Variants in ZNF76 observed in about 807,000 individuals in gnomAD.
ZNF76 encodes zinc finger protein 76.
ZNF76 carries 66 observed loss-of-function variants against 66.9 expected under a neutral mutation model. The observed-to-expected ratio is 0.99, with a 90% CI of 0.81 to 1.21. The LOEUF (loss-of-function observed/expected upper bound fraction) is 1.21. Ranked by LOEUF, ZNF76 falls within the 50% of genes most tolerant of loss-of-function variation. The pLI is 0.00. For missense variants in ZNF76, 729 were observed against 760.3 expected, an observed-to-expected ratio of 0.96 and a Z score of 0.48; for synonymous variants, 275 against 296.1, an observed-to-expected ratio of 0.93 and a Z score of 0.73.
chr6:35,277,124 C>T (rs187597883), intron 1 of ZNF76, among the ~76,000 whole-genome samples: 1 of 152,180 alleles, frequency 6.6e-6, no homozygotes, highest in African/African-American at 2.4e-5. Flanking sequence ...CCTGGTTTCT[C>T]TTATGTGTCT....
chr6:35,286,458 T>C, intron 4 of ZNF76, 59 bp downstream of exon 4: 1 of 1,517,760 alleles, frequency 6.6e-7, no homozygotes, highest in South Asian at 1.1e-5. Context: ...GAGGATGGGG[T>C]GGCAGGACTG....
rs560665926 is a variant in ZNF76, at chr6:35,295,270, C to T, written c.*22C>T. 85 of 1,570,540 alleles carry T rather than the reference C, an allele frequency of 5.4e-5. No individual in the cohort carries two copies. Among genetic ancestry groups the T allele is most frequent in the Non-Finnish European group, 6.9e-5 (80 of 1,155,930 alleles). On this transcript the variant is annotated 3_prime_UTR_variant, in exon 14 of 14. Coordinates refer to ENST00000373953, the MANE Select transcript of ZNF76 (RefSeq NM_003427.5). The stretch of plus-strand genomic sequence containing the variant: ...CTGAGTCCAAGAGGGCTGGGTCCCA[C>T]ACCATGCTGGAGGAAGTGCCATCTG...
chr6:35,277,041 C>T (rs568244090), intron 1 of ZNF76, among the ~76,000 whole-genome samples: 4 of 151,800 alleles, frequency 2.6e-5, no homozygotes, highest in East Asian at 3.9e-4. Context: ...TCAAGTGATC[C>T]GCCCACTTCG....
chr6:35,286,232 G>T, intron 3 of ZNF76, 24 bp downstream of exon 3: 1 of 1,613,820 alleles, frequency 6.2e-7, no homozygotes, highest in South Asian at 1.1e-5. Context: ...AACACACCAT[G>T]CCTTGTCGAG....
chr6:35,291,621 G>A lies in ZNF76; in HGVS notation c.815G>A (p.Arg272His), dbSNP rs765964326. The A allele has an allele frequency of 1.5e-5, 25 of 1,613,876 alleles. No individual in the cohort carries two copies. In the East Asian group the frequency reaches 1.8e-4, roughly 12 times the overall value. ...CGCTCCTTCACCACATCTAACATCC[G>A]CAAGGTACATGTGCGCACCCACACA... is the stretch of plus-strand genomic sequence containing the variant. The part of the protein sequence containing the change: ...CGRSFTTSNI[R>H]KVHVRTHTGE... Residue 272 changes from arginine (R) to histidine (H), a missense_variant, in exon 9 of 14, where the codon CGC becomes CAC. Transcript: ENST00000373953.
In ZNF76 at chr6:35,293,008, C is replaced by T. The variant is rs774273899; in HGVS notation, c.1293C>T (p.Pro431=). The part of the protein sequence containing the change: ...VAMVTEEDGA[P]QVALITQDGA... ...TGGTGACTGAAGAAGATGGGGCCCC[C>T]CAGGTGGCTCTGATCACTCAGGATG... Residue 431 remains proline, a synonymous_variant, in exon 11 of 14, where the codon CCC becomes CCT. Coordinates refer to ENST00000373953, the MANE Select transcript of ZNF76 (RefSeq NM_003427.5). 1 of 1,614,088 alleles carries T rather than the reference C, an allele frequency of 6.2e-7. No homozygotes were observed. The highest frequency in any genetic ancestry group is 8.5e-7 in the Non-Finnish European group (1 of 1,180,018).
intron 1 of ZNF76, chr6:35,279,841 T>G (rs1386659758): frequency 6.6e-6 from 1 of 152,164 alleles, no homozygotes; most frequent in African/African-American, 2.4e-5. Context: ...ATTTATCTTA[T>G]TATTATTTTT....
intron 1 of ZNF76, among the ~76,000 whole-genome samples, chr6:35,269,435 G>A (rs1582046905): frequency 1.3e-5 from 2 of 152,176 alleles, no homozygotes; most frequent in East Asian, 3.9e-4. Flanking sequence ...CTTTTCTAGT[G>A]CCTCTATTTG....
rs1447730864 is a variant in ZNF76 at position 35,274,676 on chromosome 6, A to G, written c.-96-6380A>G. On this transcript the variant is annotated intron_variant, in intron 1 of 13. Coordinates refer to ENST00000373953, the MANE Select transcript of ZNF76 (RefSeq NM_003427.5). ...GGAGGTTGAGTTTACAGGAGCTATG[A>G]TCACTGCATGCCAACCTGGGCAACA... Among the ~76,000 whole-genome samples, 8 of 152,184 alleles carry G rather than the reference A, an allele frequency of 5.3e-5. No homozygotes were observed. In the South Asian group the frequency reaches 1.2e-3, roughly 24 times the overall value.
intron 1 of ZNF76, among the ~76,000 whole-genome samples, chr6:35,266,947 C>G: frequency 6.6e-6 from 1 of 150,732 alleles, no homozygotes; most frequent in Non-Finnish European, 1.5e-5. Flanking sequence ...ACTACAGGTG[C>G]CCACCACCGC....
rs796120168 is a variant in ZNF76 at position 35,292,627 on chromosome 6, C to G, written c.1005C>G (p.His335Gln). The G allele has an allele frequency of 6.2e-7, 1 of 1,614,026 alleles. No homozygotes were observed. Residue 335 changes from histidine to glutamine, a missense_variant, in exon 10 of 14, where the codon CAC (histidine) becomes CAG (glutamine). Transcript: ENST00000373953. The surrounding 1 kb of genome is among the most constrained non-coding windows in gnomAD (Gnocchi z 4.7). ...RFTEYSSLYK[H>Q]HVVHTHCKPY... ...CCGAGTACTCGAGCTTGTATAAGCA[C>G]CACGTGGTGCACACACACTGCAAGC... is the stretch of plus-strand genomic sequence containing the variant.
rs202230751 is a variant in ZNF76 at position 35,286,399 on chromosome 6, G to A, written c.232G>A (p.Glu78Lys). 2.0e-5 allele frequency: 32 copies of A among 1,613,934 alleles called. No homozygotes were observed. The highest frequency in any genetic ancestry group is 5.0e-5 in the Admixed American group (3 of 60,028). ...GGCTTACATACACCGCACACCCAGA[G>A]GTAGGGTCACCATCATCACAACTCG... ...SMAYIHRTPR[E>K]GYDPSTLEAV... Residue 78 changes from glutamate (E) to lysine (K), a missense_variant and splice_region_variant, in exon 4 of 14, where the codon GAA becomes AAA. Glu to Lys is a moderately conservative substitution (Grantham distance 56). Coordinates refer to ENST00000373953, the MANE Select transcript of ZNF76 (RefSeq NM_003427.5).
intron 5 of ZNF76, among the ~76,000 whole-genome samples, chr6:35,288,909 C>G (rs1789982043): frequency 6.6e-6 from 1 of 150,518 alleles, no homozygotes; most frequent in Non-Finnish European, 1.5e-5. Context: ...TGAGATTGTC[C>G]CACTGCACTC....
At chr6:35,284,368 A>G (rs1020222112) in intron 2 of ZNF76, among the ~76,000 whole-genome samples, 2 of 151,958 alleles carry the variant, frequency 1.3e-5, no homozygotes, top group African/African-American at 4.8e-5. Context: ...TGCTGGGATT[A>G]TAAGTGTGAG....
rs1381992094 is a variant in ZNF76, at chr6:35,295,180, G to A, written c.1645G>A (p.Val549Met). 1 of 1,612,664 alleles carries A rather than the reference G, an allele frequency of 6.2e-7. No homozygotes were observed. The highest frequency in any genetic ancestry group is 8.5e-7 in the Non-Finnish European group (1 of 1,179,406). ...GCAGACCTTAGAGGAGGCCATCAAT[G>A]TGGCCACTGCGGCCATGCAGCAAGG... ...EQQTLEEAINVATAAMQQGAV... is the reference protein window; with the variant it reads ...EQQTLEEAINMATAAMQQGAV... Residue 549 changes from valine to methionine, a missense_variant, in exon 14 of 14, where the codon GTG becomes ATG. Physicochemically the swap from Val to Met is conservative, Grantham distance 21. Transcript: ENST00000373953.
chr6:35,291,590 T>C lies in ZNF76; in HGVS notation c.784T>C (p.Cys262Arg), dbSNP rs1754522130. The change falls in exon 9 of 14, where the codon TGT (cysteine) becomes CGT (arginine). Residue 262 changes from cysteine (C) to arginine (R), a missense_variant. Physicochemically the swap from Cys to Arg is radical, Grantham distance 180 (BLOSUM62 -3). Transcript: ENST00000373953. ...CCCGTTCCAGTGCCCTTTTGAGGGC[T>C]GTGGCCGCTCCTTCACCACATCTAA... Reference protein sequence around the residue: ...ERPFQCPFEGCGRSFTTSNIR... With the variant: ...ERPFQCPFEGRGRSFTTSNIR... 6 of 1,614,008 alleles carry C rather than the reference T, an allele frequency of 3.7e-6. No homozygotes were observed. The highest frequency in any genetic ancestry group is 5.1e-6 in the Non-Finnish European group (6 of 1,179,874).
At chr6:35,294,069 C>G in intron 12 of ZNF76, 154 bp downstream of exon 12, 1 of 846,244 alleles carries the variant, frequency 1.2e-6, no homozygotes, top group East Asian at 2.7e-5. Flanking sequence ...GGGCCATGAG[C>G]AGCTCTTACC....
intron 2 of ZNF76, among the ~76,000 whole-genome samples, chr6:35,283,549 CCT>C (rs2150363415): frequency 6.6e-6 from 1 of 152,324 alleles, no homozygotes; most frequent in African/African-American, 2.4e-5. Flanking sequence ...CGTATGGTCA[CCT>C]CTCTGTAATG....
At chr6:35,263,171 T>C (rs1785503335) in intron 1 of ZNF76, among the ~76,000 whole-genome samples, 1 of 152,146 alleles carries the variant, frequency 6.6e-6, no homozygotes, top group South Asian at 2.1e-4. Flanking sequence ...ACTACACTCT[T>C]CTCTGGGAAC....
Sources: gnomAD v4.1 joint callset for allele counts (sites outside exome capture counted in the v4.1 genomes callset) on GRCh38, gnomAD v4.1.1 for gene constraint, Gnocchi (gnomAD v3.1) non-coding constraint, MANE v1.5 for transcripts, NCBI Gene and HGNC (gene_info 2026-07-23, HGNC 2026-07-21) for gene names.